The following HECW1 variants were observed in gnomAD, a reference collection of about 807,000 sequenced individuals.
HECW1 encodes the protein HECT, C2 and WW domain containing E3 ubiquitin protein ligase 1.
In HECW1, 61 loss-of-function variants were observed where a neutral mutation model predicts 182.3. The observed-to-expected ratio is 0.33, with a 90% CI of 0.27 to 0.41. The LOEUF is 0.41. Ranked by LOEUF, HECW1 falls within the 10% of genes least tolerant of loss-of-function variation. HECW1 has a pLI of 1.00. For missense variants in HECW1, 1,739 were observed against 2,108.9 expected, an observed-to-expected ratio of 0.82 and a Z score of 3.44; for synonymous variants, 859 against 832.6, an observed-to-expected ratio of 1.03 and a Z score of -0.55.
At chr7:43,206,311 T>G (rs1795473829) in intron 2 of HECW1, among the ~76,000 whole-genome samples, 1 of 152,116 alleles carries the variant, frequency 6.6e-6, no homozygotes, top group African/African-American at 2.4e-5. Flanking sequence ...CTCTGTCATT[T>G]CTGTAAATCA....
Position 43,444,824 on chromosome 7 carries a change from G to A in HECW1, c.1652G>A (p.Gly551Glu). 1.2e-6 allele frequency: 2 copies of A among 1,613,990 alleles called. No homozygotes were observed. The highest frequency in any genetic ancestry group is 1.7e-6 in the Non-Finnish European group (2 of 1,180,026). The change falls in exon 11 of 30, where the codon GGG (glycine) becomes GAG (glutamate). Residue 551 changes from glycine (G) to glutamate (E), a missense_variant. Around this residue, in one of 5 missense-constraint regions of HECW1, gnomAD observed 971 missense variants for 1,029.1 expected, o/e 0.94. Coordinates refer to ENST00000395891, the MANE Select transcript of HECW1 (RefSeq NM_015052.5). The surrounding 1 kb of genome is among the most constrained non-coding windows in gnomAD (Gnocchi z 4.3). ...GAGACGGTGATCGCGTCAGCCTGCG[G>A]GGACCCCGAGACCCCGCGGACACAC... ...ELETVIASAC[G>E]DPETPRTHYI...
intron 2 of HECW1, chr7:43,148,852 T>G (rs2152641953): frequency 6.6e-6 from 1 of 151,800 alleles, no homozygotes; most frequent in East Asian, 1.9e-4. Flanking sequence ...GGGCCTGAGA[T>G]TTTGCATTTC....
chr7:43,387,686 C>A (rs1443800877), intron 6 of HECW1, among the ~76,000 whole-genome samples: 1 of 152,204 alleles, frequency 6.6e-6, no homozygotes, highest in Non-Finnish European at 1.5e-5. Flanking sequence ...CTCTTCTAAG[C>A]TGGACCAAAT....
Position 43,552,227 on chromosome 7 carries a change from A to G in HECW1, c.4401A>G (p.Val1467=). 2 of 1,609,614 alleles carry G rather than the reference A, an allele frequency of 1.2e-6. No homozygotes were observed. Among genetic ancestry groups the G allele is most frequent in the Non-Finnish European group, 1.7e-6 (2 of 1,175,846 alleles). Residue 1467 remains valine (V), a synonymous_variant, in exon 28 of 30, where the codon GTA becomes GTG. Coordinates refer to ENST00000395891, the MANE Select transcript of HECW1 (RefSeq NM_015052.5). ...AAGCCTAACCTGCATTTCAGGTTGT[A>G]GACTCGAGGCTGGTGTCCGTGTTTG... The part of the protein sequence containing the change: ...EALVRGFYEV[V]DSRLVSVFDA...
chr7:43,164,643 G>T (rs1478525537), intron 2 of HECW1, among the ~76,000 whole-genome samples: 1 of 152,216 alleles, frequency 6.6e-6, no homozygotes, highest in Non-Finnish European at 1.5e-5. Flanking sequence ...AGTCCTTGGT[G>T]CATAGTGGGT....
chr7:43,145,407 C>T (rs1466618729), intron 2 of HECW1, among the ~76,000 whole-genome samples: 8 of 152,160 alleles, frequency 5.3e-5, no homozygotes, highest in African/African-American at 1.9e-4. Context: ...GCGATCCTCC[C>T]ACCTCAGCCT....
At chr7:43,369,382 C>G (rs988417704) in intron 6 of HECW1, among the ~76,000 whole-genome samples, 1 of 152,006 alleles carries the variant, frequency 6.6e-6, no homozygotes, top group African/African-American at 2.4e-5. Context: ...CGCTTGAACT[C>G]GGGAGGCGGA....
chr7:43,188,599 C>T (rs10243801), intron 2 of HECW1, among the ~76,000 whole-genome samples: 36,691 of 152,082 alleles, frequency 0.24, 4,628 homozygotes, highest in Middle Eastern at 0.27. Flanking sequence ...GGAGGTGTTT[C>T]CTTGCTGGCT....
Position 43,285,598 on chromosome 7 carries a change from C to A in HECW1, c.28-26165C>A, listed in dbSNP as rs150006065. On this transcript the variant is annotated intron_variant, in intron 3 of 29. Coordinates refer to ENST00000395891, the MANE Select transcript of HECW1 (RefSeq NM_015052.5). ...GCCAAGGCAGGTGGATTGCTTGAGCCTAGGAGTTTGAGACCAGCCTGGGCA... is the reference window on the plus strand; with the variant it reads ...GCCAAGGCAGGTGGATTGCTTGAGCATAGGAGTTTGAGACCAGCCTGGGCA... Among the ~76,000 whole-genome samples, 96 of 152,166 alleles carry A rather than the reference C, an allele frequency of 6.3e-4. 1 individual carries two copies. The East Asian group carries it at 0.017, about 27-fold the overall frequency.
In HECW1 at chr7:43,444,314, G is replaced by C. The variant is rs375948910; in HGVS notation, c.1142G>C (p.Arg381Pro). 1.2e-6 allele frequency: 2 copies of C among 1,614,158 alleles called. No individual in the cohort carries two copies. Among genetic ancestry groups the C allele is most frequent in the South Asian group, 2.2e-5 (2 of 91,084 alleles). The change falls in exon 11 of 30, where the codon CGG becomes CCG. Residue 381 changes from arginine to proline, a missense_variant. Physicochemically the swap from Arg to Pro is moderately radical, Grantham distance 103. Around this residue, in one of 5 missense-constraint regions of HECW1, gnomAD observed 971 missense variants for 1,029.1 expected, o/e 0.94. Transcript: ENST00000395891. This position sits in a 1 kb window ranked among gnomAD's most constrained non-coding sequence, Gnocchi z 4.3. ...NLMESGSGEP[R>P]SEAPESSESW... ...ATGGAAAGCGGCAGTGGGGAACCTC[G>C]GTCTGAGGCACCAGAGTCCTCTGAG...
At chr7:43,542,174 C>G (rs1055077948) in intron 26 of HECW1, among the ~76,000 whole-genome samples, 176 bp downstream of exon 26, 1 of 151,872 alleles carries the variant, frequency 6.6e-6, no homozygotes. Context: ...GAAACTGTAC[C>G]CATTAAACAA....
chr7:43,145,352 G>A (rs1189010301), intron 2 of HECW1, among the ~76,000 whole-genome samples: 2 of 152,210 alleles, frequency 1.3e-5, no homozygotes, highest in African/African-American at 2.4e-5. Context: ...CTGGAGTGCA[G>A]TGGTGTGATC....
At chr7:43,344,982 A>T (rs561160595) in intron 5 of HECW1, among the ~76,000 whole-genome samples, 31 of 152,178 alleles carry the variant, frequency 2.0e-4, no homozygotes, top group African/African-American at 7.2e-4. Context: ...TTTAATTTAG[A>T]AAGGGGACTT....
intron 2 of HECW1, among the ~76,000 whole-genome samples, chr7:43,213,261 T>C (rs1182824872): frequency 6.6e-6 from 1 of 152,054 alleles, no homozygotes; most frequent in East Asian, 1.9e-4. Flanking sequence ...ACTGACTTGA[T>C]TGAGTTATTG....
intron 17 of HECW1, among the ~76,000 whole-genome samples, chr7:43,490,688 T>G (rs2078894740): frequency 6.6e-6 from 1 of 152,216 alleles, no homozygotes; most frequent in Non-Finnish European, 1.5e-5. Context: ...AAAGTTTTCT[T>G]TCACCTTTTA....
Position 43,407,625 on chromosome 7 carries a change from C to T in HECW1, c.695C>T (p.Ser232Phe). ...AACCCAGACCCTTATCTGAAGATTTCCATTCAGCCTGGGAAACACAGCATC... is the reference window on the plus strand; with the variant it reads ...AACCCAGACCCTTATCTGAAGATTTTCATTCAGCCTGGGAAACACAGCATC... ...FFNPDPYLKI[S>F]IQPGKHSIFP... The change falls in exon 8 of 30, where the codon TCC becomes TTC. Residue 232 changes from serine to phenylalanine, a missense_variant. Ser to Phe is a radical substitution (Grantham distance 155). Transcript: ENST00000395891. 6.2e-7 allele frequency: 1 copy of T among 1,613,794 alleles called. No individual in the cohort carries two copies. The highest frequency in any genetic ancestry group is 8.5e-7 in the Non-Finnish European group (1 of 1,179,724).
Position 43,535,836 on chromosome 7 carries a change from T to A in HECW1, c.4020-5327T>A, listed in dbSNP as rs144601355. ...GGGTGACAGAGTTGACTCACTTTTT[T>A]AAAAATATTTTATATATCACTTGTA... On this transcript the variant is annotated intron_variant, in intron 24 of 29. Coordinates refer to ENST00000395891, the MANE Select transcript of HECW1 (RefSeq NM_015052.5). Among the ~76,000 whole-genome samples, 275 of 152,322 alleles carry A rather than the reference T, an allele frequency of 1.8e-3. 1 individual carries two copies. The highest frequency in any genetic ancestry group is 5.7e-3 in the African/African-American group (238 of 41,582).
intron 2 of HECW1, among the ~76,000 whole-genome samples, chr7:43,182,818 G>C (rs987162772): frequency 2.6e-5 from 4 of 152,096 alleles, no homozygotes; most frequent in Non-Finnish European, 5.9e-5. Context: ...ATGAACATGG[G>C]ATATCTTTCC....
chr7:43,353,473 C>A (rs186105186), intron 5 of HECW1, among the ~76,000 whole-genome samples: 1 of 152,158 alleles, frequency 6.6e-6, no homozygotes, highest in East Asian at 1.9e-4. Context: ...TTCACTTCCC[C>A]CCACAGAAAA....
Sources: allele counts gnomAD v4.1 joint callset (sites outside exome capture counted in the v4.1 genomes callset), GRCh38; gene constraint gnomAD v4.1.1; regional missense constraint gnomAD v4.1.1; non-coding constraint Gnocchi (gnomAD v3.1); transcripts MANE v1.5; gene names NCBI Gene and HGNC (gene_info 2026-07-23, HGNC 2026-07-21).